Variants in MYO9A observed in about 807,000 individuals in gnomAD.
MYO9A encodes myosin IXA.
In MYO9A, 103 loss-of-function variants were observed where a neutral mutation model predicts 293.3. The observed-to-expected ratio is 0.35, with a 90% CI of 0.30 to 0.41. The LOEUF (loss-of-function observed/expected upper bound fraction) is 0.41. Ranked by LOEUF, MYO9A falls within the 10% of genes least tolerant of loss-of-function variation. MYO9A has a pLI of 1.00. For missense variants in MYO9A, 2,685 were observed against 3,033.0 expected, an observed-to-expected ratio of 0.89 and a Z score of 2.69; for synonymous variants, 1,001 against 1,035.7, an observed-to-expected ratio of 0.97 and a Z score of 0.64.
At position 71,928,027 on chromosome 15, in the gene MYO9A, AATATATATATATATATAT is replaced by A. The variant is rs1191908867; in HGVS notation, c.2562+5625_2562+5642del. ...GCTGTTTTGATTACAATACCTTTCTAATATATATATATATATATATATATATATATTTTTTTTTTTTTT... is the reference window on the plus strand; with the variant it reads ...GCTGTTTTGATTACAATACCTTTCTAATATATATATATTTTTTTTTTTTTT... On this transcript the variant is annotated intron_variant, in intron 18 of 41. Coordinates refer to ENST00000356056, the MANE Select transcript of MYO9A (RefSeq NM_006901.4). Among the ~76,000 whole-genome samples the A allele has an allele frequency of 2.4e-3, 26 of 10,756 alleles. 2 individuals are homozygous for A. The highest frequency in any genetic ancestry group is 4.5e-3 in the Non-Finnish European group (17 of 3,820). 7.1% of individuals were successfully genotyped at this position (10,756 alleles called of 152,430 possible).
At chr15:71,863,115 C>A (rs1173572172) in intron 32 of MYO9A, among the ~76,000 whole-genome samples, 1 of 151,318 alleles carries the variant, frequency 6.6e-6, no homozygotes, top group Non-Finnish European at 1.5e-5. Context: ...TTTTTTTTTA[C>A]TAGTGACAGT....
chr15:71,916,603 T>G (rs2058018973), intron 18 of MYO9A, 111 bp from the exon 19 acceptor site: 1 of 1,016,946 alleles, frequency 9.8e-7, no homozygotes, highest in Admixed American at 2.4e-5. Flanking sequence ...CCATCTTAAA[T>G]GACTGTAGTG....
intron 13 of MYO9A, among the ~76,000 whole-genome samples, chr15:71,964,835 G>A (rs2075832604): frequency 6.6e-6 from 1 of 151,706 alleles, no homozygotes; most frequent in South Asian, 2.1e-4. Flanking sequence ...CAAGCCTGTA[G>A]TCCTAGCTAC....
At chr15:72,058,002 C>T (rs1259490293) in intron 1 of MYO9A, among the ~76,000 whole-genome samples, 2 of 152,294 alleles carry the variant, frequency 1.3e-5, no homozygotes, top group Non-Finnish European at 2.9e-5. Context: ...ATCCAAATTC[C>T]TGATTTCAAA....
At chr15:72,016,113 C>A in intron 6 of MYO9A, among the ~76,000 whole-genome samples, 1 of 152,192 alleles carries the variant, frequency 6.6e-6, no homozygotes, top group Middle Eastern at 3.4e-3. Context: ...AATAAAAAGA[C>A]ATTTAATAGA....
intron 1 of MYO9A, among the ~76,000 whole-genome samples, chr15:72,092,501 C>T (rs2150643511): frequency 1.3e-5 from 2 of 152,258 alleles, no homozygotes; most frequent in South Asian, 4.1e-4. Flanking sequence ...CCCTTGAGCC[C>T]AGGGGTTTAA....
At chr15:71,868,871 A>G (rs2056421089) in intron 32 of MYO9A, among the ~76,000 whole-genome samples, 1 of 152,162 alleles carries the variant, frequency 6.6e-6, no homozygotes, top group Non-Finnish European at 1.5e-5. Context: ...TATTAGAAAA[A>G]ACACTGTAAA....
At chr15:72,101,159 GT>G (rs2080293521) in intron 1 of MYO9A, among the ~76,000 whole-genome samples, 3 of 142,614 alleles carry the variant, frequency 2.1e-5, no homozygotes, top group African/African-American at 5.2e-5. Flanking sequence ...CGTCTGGGAG[GT>G]GAGGGGTGCC....
intron 27 of MYO9A, among the ~76,000 whole-genome samples, chr15:71,885,721 C>T (rs2056999713): frequency 1.3e-5 from 2 of 152,204 alleles, no homozygotes; most frequent in Admixed American, 6.5e-5. Context: ...TCTGGAAAAT[C>T]GTGTCCTTCG....
chr15:71,920,290 T>C (rs553880359), intron 18 of MYO9A, among the ~76,000 whole-genome samples: 2 of 152,222 alleles, frequency 1.3e-5, no homozygotes, highest in Admixed American at 1.3e-4. Flanking sequence ...GAGATATTGC[T>C]TGAATATAGT....
At chr15:71,992,424 C>T (rs901796688) in intron 10 of MYO9A, among the ~76,000 whole-genome samples, 3 of 152,072 alleles carry the variant, frequency 2.0e-5, no homozygotes, top group Admixed American at 2.0e-4. Flanking sequence ...AACGGGCAAA[C>T]TGATATGATG....
intron 1 of MYO9A, among the ~76,000 whole-genome samples, chr15:72,109,234 TA>T (rs1257794049): frequency 6.6e-6 from 1 of 151,442 alleles, no homozygotes; most frequent in African/African-American, 2.4e-5. Flanking sequence ...ACTAAAAATA[TA>T]AAAAATTAGC....
At chr15:71,927,748 T>A (rs1272056588) in intron 18 of MYO9A, among the ~76,000 whole-genome samples, 3 of 151,862 alleles carry the variant, frequency 2.0e-5, no homozygotes, top group Non-Finnish European at 4.4e-5. Flanking sequence ...GTTTAACAGT[T>A]TCAGGTCTTA....
At chr15:71,917,799 A>G (rs1443257718) in intron 18 of MYO9A, among the ~76,000 whole-genome samples, 1 of 152,214 alleles carries the variant, frequency 6.6e-6, no homozygotes, top group Admixed American at 6.5e-5. Flanking sequence ...ATCTTAATGT[A>G]TGAGAAACAA....
chr15:72,065,328 C>T (rs2078987237), intron 1 of MYO9A, among the ~76,000 whole-genome samples: 2 of 151,818 alleles, frequency 1.3e-5, no homozygotes, highest in Non-Finnish European at 2.9e-5. Flanking sequence ...ACAGCCTGAC[C>T]AACATGGAGA....
intron 35 of MYO9A, 104 bp downstream of exon 35, chr15:71,854,263 ATGCATTCTTC>A: frequency 2.3e-6 from 2 of 852,858 alleles, no homozygotes; most frequent in Non-Finnish European, 3.4e-6. Flanking sequence ...ACAGAAAAGA[ATGCATTCTTC>A]TGGCTGCTAA....
At chr15:71,969,189 C>CTCTAGGGATTAAACAAACA (rs1381656936) in intron 12 of MYO9A, among the ~76,000 whole-genome samples, 6 of 152,152 alleles carry the variant, frequency 3.9e-5, no homozygotes, top group African/African-American at 1.4e-4. Context: ...CGCAGGCATC[C>CTCTAGGGATTAAACAAACA]TCTAGGGATT....
At chr15:72,071,743 A>C (rs549043325) in intron 1 of MYO9A, among the ~76,000 whole-genome samples, 2 of 150,280 alleles carry the variant, frequency 1.3e-5, no homozygotes, top group Admixed American at 1.3e-4. Context: ...CGACACAGCG[A>C]GACTCCATCT....
At chr15:72,111,093 A>G (rs918779335) in intron 1 of MYO9A, among the ~76,000 whole-genome samples, 2 of 151,230 alleles carry the variant, frequency 1.3e-5, no homozygotes, top group Non-Finnish European at 2.9e-5. Context: ...TGGGAGGCAG[A>G]GCTTGCAGTG....
Sources: allele counts gnomAD v4.1 joint callset (sites outside exome capture counted in the v4.1 genomes callset), GRCh38; gene constraint gnomAD v4.1.1; transcripts MANE v1.5; gene names NCBI Gene and HGNC (gene_info 2026-07-23, HGNC 2026-07-21).